PARD3B: variants seen among roughly 807,000 people sequenced by gnomAD.
The protein encoded by PARD3B is par-3 family cell polarity regulator beta.
PARD3B carries 103 observed loss-of-function variants against 130.2 expected under a neutral mutation model. The observed-to-expected ratio is 0.79, with a 90% CI of 0.67 to 0.93. PARD3B has a LOEUF of 0.93. Ranked by LOEUF, PARD3B falls within the 40% of genes least tolerant of loss-of-function variation. The pLI, the probability that PARD3B is intolerant of heterozygous loss-of-function variation, is 0.00. For missense variants in PARD3B, 1,609 were observed against 1,499.2 expected (o/e 1.07, Z -1.21); for synonymous variants, 583 against 553.2 (o/e 1.05, Z -0.76).
At chr2:205,354,540 ACTC>A (rs1415863913) in intron 18 of PARD3B, among the ~76,000 whole-genome samples, 1 of 150,672 alleles carries the variant, frequency 6.6e-6, no homozygotes, top group African/African-American at 2.4e-5. Flanking sequence ...ACTTTTCTGA[ACTC>A]CTGGACTCAA....
Position 204,943,515 on chromosome 2 carries a change from G to A in PARD3B, c.223-21637G>A, listed in dbSNP as rs545453952. ...ACTGCCCCTTGCCCAGTGGTTATAT[G>A]TGTGCCAGGTTTGAGGATCCTGCAA... On this transcript the variant is annotated intron_variant, in intron 2 of 22. Coordinates refer to ENST00000406610, the MANE Select transcript of PARD3B (RefSeq NM_001302769.2). The surrounding 1 kb of genome is among the most constrained non-coding windows in gnomAD (Gnocchi z 4.2). 3.3e-5 allele frequency among the ~76,000 whole-genome samples: 5 copies of A among 152,236 alleles called. No homozygotes were observed. In the South Asian group the frequency reaches 1.0e-3, roughly 32 times the overall value.
chr2:204,953,795 T>C (rs1690011571), intron 2 of PARD3B, among the ~76,000 whole-genome samples: 1 of 152,240 alleles, frequency 6.6e-6, no homozygotes, highest in Non-Finnish European at 1.5e-5. Flanking sequence ...GTAATAATTA[T>C]GCTCAACGTA....
At chr2:204,728,587 A>G (rs77371813) in intron 2 of PARD3B, among the ~76,000 whole-genome samples, 1,752 of 143,588 alleles carry the variant, frequency 0.012, 23 homozygotes, top group African/African-American at 0.043. Context: ...GTAATACTCT[A>G]GCAGTTGCAA....
chr2:205,162,528 G>T (rs1200757026), intron 11 of PARD3B, among the ~76,000 whole-genome samples: 4 of 152,182 alleles, frequency 2.6e-5, no homozygotes, highest in African/African-American at 9.7e-5. Flanking sequence ...TTCTTCCTGG[G>T]CGTTTGCCCC....
chr2:205,432,092 T>C (rs1206258898), intron 19 of PARD3B, among the ~76,000 whole-genome samples: 1 of 152,208 alleles, frequency 6.6e-6, no homozygotes, highest in Non-Finnish European at 1.5e-5. Flanking sequence ...AACTTTTCTA[T>C]TTTGAGGCAT....
chr2:204,633,811 C>T (rs2034775146), intron 1 of PARD3B, among the ~76,000 whole-genome samples: 2 of 151,784 alleles, frequency 1.3e-5, no homozygotes, highest in South Asian at 4.2e-4. Flanking sequence ...GACTGTGTCT[C>T]AAAAAAACAT....
intron 3 of PARD3B, among the ~76,000 whole-genome samples, chr2:205,040,837 C>T (rs1256874693): frequency 6.6e-6 from 1 of 151,716 alleles, no homozygotes; most frequent in Non-Finnish European, 1.5e-5. Flanking sequence ...TTCAAACTGT[C>T]CAACTGTTTT....
Position 205,187,401 on chromosome 2 carries a change from G to A in PARD3B, c.2024+1538G>A, listed in dbSNP as rs2036162669. Among the ~76,000 whole-genome samples, 1 of 152,178 alleles carries A rather than the reference G, an allele frequency of 6.6e-6. No homozygotes were observed. The highest frequency in any genetic ancestry group is 1.5e-5 in the Non-Finnish European group (1 of 68,032). On this transcript the variant is annotated intron_variant, in intron 14 of 22. Coordinates refer to ENST00000406610, the MANE Select transcript of PARD3B (RefSeq NM_001302769.2). This position sits in a 1 kb window ranked among gnomAD's most constrained non-coding sequence, Gnocchi z 4.9. ...CAATCTTATTGCAGGGTTTTCGCAG[G>A]TAATACACAGAATGAAACCTGGGTT...
chr2:204,973,279 T>A (rs1015425672), intron 3 of PARD3B, among the ~76,000 whole-genome samples: 1 of 152,206 alleles, frequency 6.6e-6, no homozygotes, highest in Non-Finnish European at 1.5e-5. Flanking sequence ...TATTAAAAAA[T>A]TTGTTGAAGT....
intron 3 of PARD3B, among the ~76,000 whole-genome samples, chr2:204,998,080 C>T (rs1489376088): frequency 1.3e-5 from 2 of 148,946 alleles, no homozygotes; most frequent in Non-Finnish European, 3.0e-5. Flanking sequence ...CTGTTCAGTA[C>T]TGGAGATCTT....
Position 205,553,507 on chromosome 2 carries a change from A to G in PARD3B, c.3260+104A>G, listed in dbSNP as rs2052741325. 7 of 1,199,496 alleles carry G rather than the reference A, an allele frequency of 5.8e-6. No individual in the cohort carries two copies. In the Admixed American group the frequency reaches 8.3e-5, roughly 14 times the overall value. 74.3% of individuals were successfully genotyped at this position (1,199,496 alleles called of 1,614,324 possible). On this transcript the variant is annotated intron_variant, in intron 22 of 22. Transcript: ENST00000406610. ...CTGGCTTTGAAATAGGGAATATGTT[A>G]TAATTTTGCCTTGCTGCCGTCTGCT... is the stretch of plus-strand genomic sequence containing the variant.
intron 22 of PARD3B, among the ~76,000 whole-genome samples, chr2:205,596,334 C>T (rs1408523004): frequency 6.6e-6 from 1 of 152,156 alleles, no homozygotes; most frequent in African/African-American, 2.4e-5. Context: ...AAATCCATTT[C>T]ATCTGCAAAA....
rs1439140817 is a variant in PARD3B at position 205,078,931 on chromosome 2, G to A, written c.505-25495G>A. ...CCAGCTCGCATCAATGGCCAGCCAC[G>A]TAAGTGAGCCGTCATGGATGCCCAG... On this transcript the variant is annotated intron_variant, in intron 4 of 22. Coordinates refer to ENST00000406610, the MANE Select transcript of PARD3B (RefSeq NM_001302769.2). The surrounding 1 kb of genome is among the most constrained non-coding windows in gnomAD (Gnocchi z 4.0). 1.3e-5 allele frequency among the ~76,000 whole-genome samples: 2 copies of A among 152,200 alleles called. No homozygotes were observed. The highest frequency in any genetic ancestry group is 6.5e-5 in the Admixed American group (1 of 15,286).
rs939143267 is a variant in PARD3B, at chr2:205,507,383, T to G, written c.3180+7352T>G. On this transcript the variant is annotated intron_variant, in intron 21 of 22. Coordinates refer to ENST00000406610, the MANE Select transcript of PARD3B (RefSeq NM_001302769.2). ...GCACCCACCACCACGCCCGGCTAAT[T>G]TTTTGTATTTTTAGTAGAGACGGGG... 5.9e-5 allele frequency among the ~76,000 whole-genome samples: 9 copies of G among 151,288 alleles called. No individual in the cohort carries two copies. The South Asian group carries it at 1.3e-3, about 21-fold the overall frequency.
chr2:204,928,105 A>G (rs967989237), intron 2 of PARD3B, among the ~76,000 whole-genome samples: 1 of 152,126 alleles, frequency 6.6e-6, no homozygotes, highest in African/African-American at 2.4e-5. Context: ...TCAATTAGGC[A>G]GCTCTGCTGA....
chr2:205,576,094 G>A (rs972661782), intron 22 of PARD3B, among the ~76,000 whole-genome samples: 5 of 152,018 alleles, frequency 3.3e-5, no homozygotes, highest in Non-Finnish European at 7.4e-5. Flanking sequence ...GTATTTCATT[G>A]TTGTTTTAAT....
intron 2 of PARD3B, among the ~76,000 whole-genome samples, chr2:204,896,682 A>C (rs1216264264): frequency 6.6e-6 from 1 of 152,204 alleles, no homozygotes; most frequent in Non-Finnish European, 1.5e-5. Flanking sequence ...ACTCCTTGTA[A>C]GAGAGACTAA....
In PARD3B at chr2:204,632,924, G is replaced by A. The variant is rs529745155; in HGVS notation, c.121-53257G>A. Among the ~76,000 whole-genome samples the A allele has an allele frequency of 2.6e-5, 4 of 152,280 alleles. No individual in the cohort carries two copies. The East Asian group carries it at 5.8e-4, about 22-fold the overall frequency. ...CCCTCGGTGAGTGCCACGTACAGCAGCTGCTTCTAATCTGCCATCTTGGCC... is the reference window on the plus strand; with the variant it reads ...CCCTCGGTGAGTGCCACGTACAGCAACTGCTTCTAATCTGCCATCTTGGCC... On this transcript the variant is annotated intron_variant, in intron 1 of 22. Coordinates refer to ENST00000406610, the MANE Select transcript of PARD3B (RefSeq NM_001302769.2).
At chr2:205,169,552 A>C (rs2035028235) in intron 11 of PARD3B, among the ~76,000 whole-genome samples, 1 of 152,226 alleles carries the variant, frequency 6.6e-6, no homozygotes, top group Non-Finnish European at 1.5e-5. Flanking sequence ...ACAAGAGATT[A>C]CCAGGTGGGA....
Sources: allele counts gnomAD v4.1 joint callset (sites outside exome capture counted in the v4.1 genomes callset), GRCh38; gene constraint gnomAD v4.1.1; non-coding constraint Gnocchi (gnomAD v3.1); transcripts MANE v1.5; gene names NCBI Gene and HGNC (gene_info 2026-07-23, HGNC 2026-07-21).